The following STAT3 variants were observed in gnomAD, a reference collection of about 807,000 sequenced individuals.
The protein encoded by STAT3 is signal transducer and activator of transcription 3.
In STAT3, 7 loss-of-function variants were observed where a neutral mutation model predicts 114.3. That is an observed-to-expected ratio of 0.06 (90% CI 0.03 to 0.11). STAT3 has a LOEUF of 0.11. Ranked by LOEUF, STAT3 falls within the 10% of genes least tolerant of loss-of-function variation. The pLI, the probability that STAT3 is intolerant of heterozygous loss-of-function variation, is 1.00. For missense variants in STAT3, 364 were observed against 960.9 expected (o/e 0.38, Z 8.21); for synonymous variants, 331 against 354.5 (o/e 0.93, Z 0.74).
chr17:42,324,906 G>C lies in STAT3; in HGVS notation c.1464+57C>G. 1 of 1,614,154 alleles carries C rather than the reference G, an allele frequency of 6.2e-7. No individual in the cohort carries two copies. The highest frequency in any genetic ancestry group is 8.5e-7 in the Non-Finnish European group (1 of 1,180,022). ...GGGATGGTGCTCATTGTCTATACTA[G>C]GTACCCCTAAGTCGCAAGAGATCCC... On this transcript the variant is annotated intron_variant, in intron 16 of 23. Transcript: ENST00000264657. This position sits in a 1 kb window ranked among gnomAD's most constrained non-coding sequence, Gnocchi z 4.5.
chr17:42,334,141 C>T lies in STAT3; in HGVS notation c.798-92G>A, dbSNP rs566457937. 233 of 1,445,588 alleles carry T rather than the reference C, an allele frequency of 1.6e-4. 3 individuals carry two copies. In the South Asian group the frequency reaches 2.5e-3, roughly 16 times the overall value. 89.5% of individuals were successfully genotyped at this position (1,445,588 alleles called of 1,614,324 possible). On this transcript the variant is annotated intron_variant, in intron 8 of 23. Transcript: ENST00000264657. ...AAGGAAATACTGAAGACATGGAGACCACTACAATAAGAACAAGGAATTTTT... is the reference window on the plus strand; with the variant it reads ...AAGGAAATACTGAAGACATGGAGACTACTACAATAAGAACAAGGAATTTTT...
chr17:42,334,595 C>A (rs984079634), intron 8 of STAT3, among the ~76,000 whole-genome samples: 1 of 152,004 alleles, frequency 6.6e-6, no homozygotes, highest in African/African-American at 2.4e-5. Context: ...CAGGCACCCA[C>A]CACCACTCCC....
At chr17:42,353,077 G>A (rs1270750194) in intron 1 of STAT3, among the ~76,000 whole-genome samples, 1 of 152,058 alleles carries the variant, frequency 6.6e-6, no homozygotes, top group Admixed American at 6.6e-5. Context: ...GTAGGGCATG[G>A]TGGCTCATGC....
intron 1 of STAT3, among the ~76,000 whole-genome samples, chr17:42,386,174 G>C (rs1290906845): frequency 6.6e-6 from 1 of 151,914 alleles, no homozygotes; most frequent in African/African-American, 2.4e-5. Context: ...CCAGCTACTT[G>C]GGAGGCTGAG....
At chr17:42,375,663 C>T (rs1251507593) in intron 1 of STAT3, among the ~76,000 whole-genome samples, 2 of 151,770 alleles carry the variant, frequency 1.3e-5, no homozygotes, top group Non-Finnish European at 2.9e-5. Context: ...ACCCCCATCT[C>T]TAATAAAAAT....
Position 42,388,326 on chromosome 17 carries a change from G to C in STAT3, c.-71C>G. ...GAGGCCGGGGCTGCGCGTGTGCCGG[G>C]GACGGGCGGCGAGGCTCCCTCAGGC... On this transcript the variant is annotated 5_prime_UTR_variant, in exon 1 of 24. Coordinates refer to ENST00000264657, the MANE Select transcript of STAT3 (RefSeq NM_139276.3). 1 of 1,231,984 alleles carries C rather than the reference G, an allele frequency of 8.1e-7. No individual in the cohort carries two copies. Among genetic ancestry groups the C allele is most frequent in the Non-Finnish European group, 1.0e-6 (1 of 988,202 alleles). 76.3% of individuals were successfully genotyped at this position (1,231,984 alleles called of 1,614,324 possible). A position where few individuals can be genotyped will look rare whatever the true frequency, so the allele number is the denominator to read the frequency against.
intron 1 of STAT3, among the ~76,000 whole-genome samples, chr17:42,365,237 G>A (rs1429030330): frequency 6.6e-6 from 1 of 152,188 alleles, no homozygotes; most frequent in African/African-American, 2.4e-5. Context: ...CATTCTGTGA[G>A]AAACCCAAGG....
At chr17:42,355,686 G>A (rs2083192306) in intron 1 of STAT3, among the ~76,000 whole-genome samples, 2 of 152,122 alleles carry the variant, frequency 1.3e-5, no homozygotes, top group African/African-American at 4.8e-5. Flanking sequence ...GTCTAATTGG[G>A]AACTTATTAC....
At chr17:42,315,990 CCT>C in intron 23 of STAT3, 190 bp from the exon 24 acceptor site, 3 of 1,460,826 alleles carry the variant, frequency 2.1e-6, no homozygotes, top group Non-Finnish European at 2.7e-6. Context: ...CGGGAAGGGT[CCT>C]TTCTCATTCC....
intron 20 of STAT3, 81 bp downstream of exon 20, chr17:42,322,923 G>A (rs2081540936): frequency 6.2e-7 from 1 of 1,600,556 alleles, no homozygotes; most frequent in Non-Finnish European, 8.5e-7. Flanking sequence ...CCCACCAGGG[G>A]GCAGTAGGTG....
At position 42,314,658 on chromosome 17, in the gene STAT3, T is replaced by A; in HGVS notation, c.*1087A>T. On this transcript the variant is annotated 3_prime_UTR_variant, in exon 24 of 24. Transcript: ENST00000264657. ...AAGGCCAATACATTACAAAGGAAAA[T>A]AAGTCTATTTATAAAAAAAAGTCTA... is the stretch of plus-strand genomic sequence containing the variant. The A allele has an allele frequency of 4.4e-6, 1 of 226,526 alleles. No individual in the cohort carries two copies. The highest frequency in any genetic ancestry group is 5.7e-5 in the Admixed American group (1 of 17,550). The allele number at this position is 226,526 out of a possible 1,614,324, so 14.0% of individuals were successfully genotyped here. A position where few individuals can be genotyped will look rare whatever the true frequency, so the allele number is the denominator to read the frequency against.
chr17:42,344,569 A>AT lies in STAT3; in HGVS notation c.372+989dup, dbSNP rs556250033. 3.0e-3 allele frequency among the ~76,000 whole-genome samples: 449 copies of AT among 151,004 alleles called. 1 individual carries two copies. The highest frequency in any genetic ancestry group is 0.01 in the African/African-American group (430 of 41,056). The stretch of plus-strand genomic sequence containing the variant: ...ATCTCTACTAAAAAAAATACAAAAA[A>AT]TTAGCCAGGCTTGGTGGCACACACC... On this transcript the variant is annotated intron_variant, in intron 4 of 23. Coordinates refer to ENST00000264657, the MANE Select transcript of STAT3 (RefSeq NM_139276.3).
At chr17:42,370,095 G>A (rs1271615988) in intron 1 of STAT3, among the ~76,000 whole-genome samples, 5 of 151,182 alleles carry the variant, frequency 3.3e-5, no homozygotes, top group East Asian at 1.9e-4. Context: ...CTCGCCTCCC[G>A]AGTAGCTGGG....
chr17:42,327,919 AC>A (rs2081804716), intron 14 of STAT3, among the ~76,000 whole-genome samples: 1 of 151,824 alleles, frequency 6.6e-6, no homozygotes, highest in Non-Finnish European at 1.5e-5. Flanking sequence ...GGTGGCATGC[AC>A]CTATCGTCCC....
chr17:42,365,648 T>G (rs545532730), intron 1 of STAT3, among the ~76,000 whole-genome samples: 233 of 119,920 alleles, frequency 1.9e-3, no homozygotes, highest in East Asian at 0.01. Flanking sequence ...AGTTTTTTTT[T>G]TTTGTTTTTT....
intron 4 of STAT3, among the ~76,000 whole-genome samples, chr17:42,342,878 A>T (rs752116953): frequency 9.2e-5 from 14 of 152,034 alleles, no homozygotes; most frequent in Admixed American, 2.0e-4. Context: ...TCTCCCAAGA[A>T]TACACATTTC....
chr17:42,322,394 G>A lies in STAT3; in HGVS notation c.1989C>T (p.Thr663=), dbSNP rs2081519120. The part of the protein sequence containing the change: ...IIMGYKIMDA[T]NILVSPLVYL... Reference sequence around the variant, plus strand: ...AGACCAGTGGAGACACCAGGATATTGGTAGCATCCATGATCTTATAGCCCA... The same window carrying A: ...AGACCAGTGGAGACACCAGGATATTAGTAGCATCCATGATCTTATAGCCCA... Residue 663 remains threonine, a synonymous_variant, in exon 21 of 24, where the codon ACC becomes ACT. Coordinates refer to ENST00000264657, the MANE Select transcript of STAT3 (RefSeq NM_139276.3). 1 of 1,614,062 alleles carries A rather than the reference G, an allele frequency of 6.2e-7. No individual in the cohort carries two copies.
intron 1 of STAT3, among the ~76,000 whole-genome samples, chr17:42,365,055 A>G (rs1221670798): frequency 1.3e-5 from 2 of 152,202 alleles, no homozygotes; most frequent in South Asian, 2.1e-4. Flanking sequence ...GTTGGATAAC[A>G]TGGCCCTAAA....
rs1181164697 is a variant in STAT3 at position 42,337,817 on chromosome 17, C to T, written c.591G>A (p.Arg197=). The change falls in exon 7 of 24, where the codon AGG becomes AGA. Residue 197 remains arginine, a synonymous_variant. Transcript: ENST00000264657. The surrounding 1 kb of genome is among the most constrained non-coding windows in gnomAD (Gnocchi z 4.0). ...DLNGNNQSVT[R]QKMQQLEQML... ...TCTGTTCCAGCTGCTGCATCTTCTG[C>T]CTGGTCACTGACTGGTTGTTTCCAT... 1 of 1,614,214 alleles carries T rather than the reference C, an allele frequency of 6.2e-7. No individual in the cohort carries two copies. The highest frequency in any genetic ancestry group is 8.5e-7 in the Non-Finnish European group (1 of 1,180,038).
Sources: allele counts gnomAD v4.1 joint callset (sites outside exome capture counted in the v4.1 genomes callset), GRCh38; gene constraint gnomAD v4.1.1; non-coding constraint Gnocchi (gnomAD v3.1); transcripts MANE v1.5; gene names NCBI Gene and HGNC (gene_info 2026-07-23, HGNC 2026-07-21).